The following FGGY variants were observed in gnomAD, a reference collection of about 807,000 sequenced individuals.
The protein encoded by FGGY is FGGY carbohydrate kinase domain-containing protein.
In FGGY, 72 loss-of-function variants were observed where a neutral mutation model predicts 71.3. The ratio of observed to expected loss-of-function variants is 1.01; its 90% CI spans 0.84 to 1.23. The LOEUF is 1.23. Ranked by LOEUF, FGGY falls within the 50% of genes most tolerant of loss-of-function variation. The probability of loss-of-function intolerance (pLI) is 0.00; values close to 1 mark genes in which losing one functional copy is unlikely to be tolerated. For synonymous variants in FGGY, 251 were observed against 250.3 expected (o/e 1.00, Z -0.02); for missense variants, 668 against 682.3 (o/e 0.98, Z 0.23).
intron 14 of FGGY, among the ~76,000 whole-genome samples, chr1:59,733,464 T>TTTTG (rs1051615981): frequency 4.5e-4 from 65 of 144,756 alleles, no homozygotes; most frequent in Middle Eastern, 3.4e-3. Context: ...TTGTTTTGTT[T>TTTTG]TTTTGTTTTG....
chr1:59,679,421 T>C (rs2097472501), intron 14 of FGGY, among the ~76,000 whole-genome samples: 1 of 152,090 alleles, frequency 6.6e-6, no homozygotes, highest in East Asian at 1.9e-4. Context: ...TAGAAAAAAC[T>C]GAAATACCGT....
intron 4 of FGGY, among the ~76,000 whole-genome samples, chr1:59,351,572 T>C (rs78317018): frequency 0.024 from 3,714 of 152,306 alleles, 173 homozygotes; most frequent in African/African-American, 0.085. Context: ...TGCTATGTCT[T>C]GGTCCTTAAC....
intron 4 of FGGY, among the ~76,000 whole-genome samples, chr1:59,347,419 C>T (rs1029560574): frequency 3.3e-5 from 5 of 151,944 alleles, no homozygotes; most frequent in East Asian, 1.9e-4. Flanking sequence ...CTACAAAGGA[C>T]GTGTGAACTC....
intron 5 of FGGY, among the ~76,000 whole-genome samples, chr1:59,409,298 G>A (rs1231469104): frequency 1.3e-5 from 2 of 152,134 alleles, no homozygotes; most frequent in Admixed American, 6.6e-5. Context: ...ACTTTCATTT[G>A]TCCCTTTCAT....
intron 4 of FGGY, among the ~76,000 whole-genome samples, chr1:59,356,348 C>G (rs1197300678): frequency 2.6e-5 from 4 of 152,142 alleles, no homozygotes; most frequent in Non-Finnish European, 5.9e-5. Context: ...GGTCTTTGCT[C>G]AGGTTTTTCC....
At chr1:59,662,048 C>T (rs551906809) in intron 12 of FGGY, among the ~76,000 whole-genome samples, 150 of 143,160 alleles carry the variant, frequency 1.0e-3, no homozygotes, top group African/African-American at 3.7e-3. Flanking sequence ...AGGCCAGGCG[C>T]GGTGACTCAA....
chr1:59,541,335 A>G (rs1411088030), intron 7 of FGGY, among the ~76,000 whole-genome samples: 2 of 152,192 alleles, frequency 1.3e-5, no homozygotes, highest in African/African-American at 4.8e-5. Flanking sequence ...ATTGGCAAGC[A>G]GACAGCTGAA....
chr1:59,600,982 CT>C (rs377505663), intron 8 of FGGY, among the ~76,000 whole-genome samples: 5,900 of 126,948 alleles, frequency 0.046, 158 homozygotes, highest in South Asian at 0.19. Flanking sequence ...ATTCTCTATG[CT>C]TTTTTTTTTT....
At chr1:59,326,732 T>C (rs540488768) in intron 2 of FGGY, among the ~76,000 whole-genome samples, 1 of 152,270 alleles carries the variant, frequency 6.6e-6, no homozygotes, top group South Asian at 2.1e-4. Flanking sequence ...GTTTTTTTTT[T>C]CCTCTAGTGC....
intron 6 of FGGY, among the ~76,000 whole-genome samples, chr1:59,477,111 T>C (rs939509281): frequency 1.3e-5 from 2 of 152,188 alleles, no homozygotes; most frequent in African/African-American, 4.8e-5. Flanking sequence ...CATTTAGAGG[T>C]CATTTATTTC....
At chr1:59,297,423 G>A (rs1225362420) in intron 1 of FGGY, among the ~76,000 whole-genome samples, 5 of 152,236 alleles carry the variant, frequency 3.3e-5, no homozygotes, top group Admixed American at 2.6e-4. Flanking sequence ...GATAATGTTT[G>A]AGGCACAGCT....
At chr1:59,699,405 C>A (rs1053516011) in intron 14 of FGGY, 1 of 985,248 alleles carries the variant, frequency 1.0e-6, no homozygotes, top group Non-Finnish European at 1.2e-6. Context: ...ACGGTTCAGG[C>A]TTCTGTTAGT....
intron 14 of FGGY, among the ~76,000 whole-genome samples, chr1:59,703,790 C>T (rs1425786464): frequency 6.6e-6 from 1 of 152,186 alleles, no homozygotes; most frequent in African/African-American, 2.4e-5. Flanking sequence ...ACTTTGCTTT[C>T]CCCTGAACAC....
At chr1:59,670,367 CAGTT>C (rs1248761553) in intron 13 of FGGY, among the ~76,000 whole-genome samples, 2 of 152,154 alleles carry the variant, frequency 1.3e-5, no homozygotes, top group African/African-American at 4.8e-5. Flanking sequence ...CCTACAAAGA[CAGTT>C]AGGGAGGACT....
intron 2 of FGGY, among the ~76,000 whole-genome samples, chr1:59,325,129 G>A (rs907274832): frequency 5.3e-5 from 8 of 152,098 alleles, no homozygotes; most frequent in Non-Finnish European, 1.0e-4. Flanking sequence ...CAAGGCGGGC[G>A]GATCACGAGG....
chr1:59,586,304 T>A lies in FGGY; in HGVS notation c.904-21499T>A, dbSNP rs531854474. On this transcript the variant is annotated intron_variant, in intron 8 of 15. Transcript: ENST00000303721. ...GACTGGATTAAGAAAATGTGGCAAA[T>A]ATACACCATGGAATACTATGCAGCC... Among the ~76,000 whole-genome samples, 140 of 152,194 alleles carry A rather than the reference T, an allele frequency of 9.2e-4. 1 individual carries two copies. Among genetic ancestry groups the A allele is most frequent in the African/African-American group, 3.2e-3 (131 of 41,522 alleles).
chr1:59,612,770 C>T (rs999640000), intron 9 of FGGY, among the ~76,000 whole-genome samples: 7 of 152,128 alleles, frequency 4.6e-5, no homozygotes, highest in Admixed American at 2.0e-4. Context: ...TGCGGAGACA[C>T]ACATAGTCTC....
At chr1:59,693,667 A>G (rs1053989659) in intron 14 of FGGY, among the ~76,000 whole-genome samples, 1 of 152,042 alleles carries the variant, frequency 6.6e-6, no homozygotes, top group Non-Finnish European at 1.5e-5. Context: ...AAGAAGAGGA[A>G]GGAAGAGGAG....
intron 9 of FGGY, among the ~76,000 whole-genome samples, chr1:59,617,545 A>C (rs2096768576): frequency 6.6e-6 from 1 of 152,092 alleles, no homozygotes; most frequent in South Asian, 2.1e-4. Flanking sequence ...TCACACATCA[A>C]GGCCTGTCTC....
Sources: allele counts gnomAD v4.1 joint callset (sites outside exome capture counted in the v4.1 genomes callset), GRCh38; gene constraint gnomAD v4.1.1; transcripts MANE v1.5; gene names NCBI Gene and HGNC (gene_info 2026-07-23, HGNC 2026-07-21).